The following CYFIP2 variants were observed in gnomAD, a reference collection of about 807,000 sequenced individuals.
CYFIP2 encodes the protein cytoplasmic FMR1-interacting protein 2.
A neutral mutation model predicts 158.7 loss-of-function variants in CYFIP2; 29 were observed. The ratio of observed to expected loss-of-function variants is 0.18; its 90% confidence interval spans 0.14 to 0.25. CYFIP2 has a LOEUF of 0.25. Ranked by LOEUF, CYFIP2 falls within the 10% of genes least tolerant of loss-of-function variation. The probability of loss-of-function intolerance (pLI) is 1.00; values close to 1 mark genes in which losing one functional copy is unlikely to be tolerated. For synonymous variants in CYFIP2, 585 were observed against 617.6 expected, an observed-to-expected ratio of 0.95 and a Z score of 0.78; for missense variants, 852 against 1,639.5, an observed-to-expected ratio of 0.52 and a Z score of 8.29.
At chr5:157,334,004 GA>G (rs1249312875) in intron 21 of CYFIP2, among the ~76,000 whole-genome samples, 2 of 152,186 alleles carry the variant, frequency 1.3e-5, no homozygotes, top group African/African-American at 4.8e-5. Context: ...CTCTCTTCAA[GA>G]ATTAGAGTAA....
intron 29 of CYFIP2, 121 bp downstream of exon 29, chr5:157,389,548 A>G (rs1195666611): frequency 1.0e-5 from 9 of 876,064 alleles, no homozygotes; most frequent in South Asian, 1.8e-5. Flanking sequence ...GCCAACAACT[A>G]CTTTGTTGAG....
chr5:157,296,784 G>A lies in CYFIP2; in HGVS notation c.387+10G>A, dbSNP rs965694878. 6.2e-7 allele frequency: 1 copy of A among 1,609,622 alleles called. No individual in the cohort carries two copies. Among genetic ancestry groups the A allele is most frequent in the Non-Finnish European group, 8.5e-7 (1 of 1,176,508 alleles). The stretch of plus-strand genomic sequence containing the variant: ...GTTCATGTATTTTCAGGTGAGTGGG[G>A]AGGGGCAGGTCTGCATCTGGAGAAC... On this transcript the variant is annotated intron_variant, in intron 5 of 30. Transcript: ENST00000620254.
intron 4 of CYFIP2, 74 bp from the exon 5 acceptor site, chr5:157,296,599 C>G: frequency 7.1e-7 from 1 of 1,404,380 alleles, no homozygotes; most frequent in African/African-American, 1.4e-5. Context: ...GTCTCAAAAA[C>G]AAAACAAAAC....
chr5:157,269,234 A>G (rs1755875560), intron 1 of CYFIP2: 1 of 151,926 alleles, frequency 6.6e-6, no homozygotes, highest in Non-Finnish European at 1.5e-5. Context: ...TTCAGGTGGG[A>G]AGTGCTCTTA....
intron 1 of CYFIP2, among the ~76,000 whole-genome samples, chr5:157,282,440 A>G (rs1757058853): frequency 6.6e-6 from 1 of 152,138 alleles, no homozygotes; most frequent in South Asian, 2.1e-4. Context: ...ACCAGGCCCC[A>G]CCTCCAACAC....
intron 19 of CYFIP2, among the ~76,000 whole-genome samples, chr5:157,329,059 A>G (rs1192717495): frequency 6.6e-6 from 1 of 152,214 alleles, no homozygotes; most frequent in African/African-American, 2.4e-5. Flanking sequence ...GATTTGCTTC[A>G]TTTTGCTTTT....
chr5:157,300,884 C>G lies in CYFIP2; in HGVS notation c.557C>G (p.Ser186Cys). The G allele has an allele frequency of 6.3e-7, 1 of 1,591,496 alleles. No individual in the cohort carries two copies. The highest frequency in any genetic ancestry group is 8.6e-7 in the Non-Finnish European group (1 of 1,166,324). ...NMKCSVKNDH[S>C]AYKRAAQFLR... Reference sequence around the variant, plus strand: ...AAGTGCAGCGTCAAGAATGACCACTCTGCCTACAAGAGGTCAGGGCAACCT... The same window carrying G: ...AAGTGCAGCGTCAAGAATGACCACTGTGCCTACAAGAGGTCAGGGCAACCT... The change falls in exon 6 of 31, where the codon TCT (serine) becomes TGT (cysteine). Residue 186 changes from serine (S) to cysteine (C), a missense_variant. This residue lies in a region of CYFIP2 where 123 missense variants were observed against 316.7 expected (regional missense o/e 0.39). Transcript: ENST00000620254.
intron 7 of CYFIP2, among the ~76,000 whole-genome samples, chr5:157,303,540 C>T (rs1219989010): frequency 1.3e-5 from 2 of 152,186 alleles, no homozygotes; most frequent in East Asian, 1.9e-4. Flanking sequence ...GGGGATCCTC[C>T]ATCTTCCAAG....
At chr5:157,392,484 C>T (rs1767406476) in intron 30 of CYFIP2, among the ~76,000 whole-genome samples, 1 of 152,128 alleles carries the variant, frequency 6.6e-6, no homozygotes, top group South Asian at 2.1e-4. Flanking sequence ...AGGCTGTTTC[C>T]CCCATTGAAC....
Position 157,390,773 on chromosome 5 carries a change from C to G in CYFIP2, c.3594+105C>G, listed in dbSNP as rs927797256. 8 of 1,514,508 alleles carry G rather than the reference C, an allele frequency of 5.3e-6. No individual in the cohort carries two copies. In the African/African-American group the frequency reaches 9.8e-5, roughly 19 times the overall value. 93.8% of individuals were successfully genotyped at this position (1,514,508 alleles called of 1,614,324 possible). A position where few individuals can be genotyped will look rare whatever the true frequency, so the allele number is the denominator to read the frequency against. On this transcript the variant is annotated intron_variant, in intron 30 of 30. Transcript: ENST00000620254. The stretch of plus-strand genomic sequence containing the variant: ...GAGCTGCTTGTGAAGGCCAGCTCCC[C>G]ACACGGCAAGTACAAAGATACTATA...
chr5:157,308,195 C>T (rs187277100), intron 9 of CYFIP2, among the ~76,000 whole-genome samples: 3 of 150,662 alleles, frequency 2.0e-5, no homozygotes, highest in African/African-American at 7.3e-5. Flanking sequence ...TCCCTTGTCA[C>T]TTAAAGAGGT....
At chr5:157,332,950 A>G (rs997004609) in intron 20 of CYFIP2, among the ~76,000 whole-genome samples, 3 of 152,204 alleles carry the variant, frequency 2.0e-5, no homozygotes, top group Non-Finnish European at 4.4e-5. Flanking sequence ...TCCCATGACC[A>G]TGAAAAATTA....
chr5:157,389,352 T>C lies in CYFIP2; in HGVS notation c.3371T>C (p.Val1124Ala). 2 of 1,613,850 alleles carry C rather than the reference T, an allele frequency of 1.2e-6. No homozygotes were observed. Among genetic ancestry groups the C allele is most frequent in the Non-Finnish European group, 1.7e-6 (2 of 1,179,784 alleles). ...GGCGTCATGCACGTCGATGAGTGTG[T>C]GGAGTTCCACCGGCTGTGGAGCGCC... ...TNGVMHVDEC[V>A]EFHRLWSAMQ... The change falls in exon 29 of 31, where the codon GTG becomes GCG. Residue 1124 changes from valine (V) to alanine (A), a missense_variant. Val to Ala is a moderately conservative substitution (Grantham distance 64). Around this residue, in one of 8 missense-constraint regions of CYFIP2, gnomAD observed 223 missense variants for 381.6 expected, o/e 0.58. Coordinates refer to ENST00000620254, the MANE Select transcript of CYFIP2 (RefSeq NM_001037333.3).
At position 157,370,808 on chromosome 5, in the gene CYFIP2, G is replaced by A. The variant is rs1009501773; in HGVS notation, c.3039+9210G>A. On this transcript the variant is annotated intron_variant, in intron 26 of 30. Coordinates refer to ENST00000620254, the MANE Select transcript of CYFIP2 (RefSeq NM_001037333.3). ...AGATCTTTTCCAGTTGACCAGACATGATTCTGATCCAGAATAATAATTCTA... is the reference window on the plus strand; with the variant it reads ...AGATCTTTTCCAGTTGACCAGACATAATTCTGATCCAGAATAATAATTCTA... Among the ~76,000 whole-genome samples, 4 of 152,340 alleles carry A rather than the reference G, an allele frequency of 2.6e-5. No individual in the cohort carries two copies. The East Asian group carries it at 7.7e-4, about 29-fold the overall frequency.
At chr5:157,341,500 A>T in intron 23 of CYFIP2, 2 of 250,756 alleles carry the variant, frequency 8.0e-6, no homozygotes, top group Non-Finnish European at 7.8e-6. Flanking sequence ...TGCAGTGAGC[A>T]TGATTGTACC....
At chr5:157,324,590 A>G (rs1760863538) in intron 16 of CYFIP2, among the ~76,000 whole-genome samples, 1 of 152,214 alleles carries the variant, frequency 6.6e-6, no homozygotes, top group Admixed American at 6.5e-5. Context: ...AACAAACAGT[A>G]CAAACTTCTC....
intron 1 of CYFIP2, among the ~76,000 whole-genome samples, chr5:157,283,830 G>A (rs537477327): frequency 3.3e-5 from 5 of 152,274 alleles, no homozygotes; most frequent in African/African-American, 4.8e-5. Flanking sequence ...TTGGCAGCCC[G>A]TGGACCAAAT....
At chr5:157,355,342 T>C (rs989790408) in intron 23 of CYFIP2, among the ~76,000 whole-genome samples, 2 of 152,216 alleles carry the variant, frequency 1.3e-5, no homozygotes, top group African/African-American at 4.8e-5. Context: ...GTTTTTGTCT[T>C]TATTTACCAA....
At chr5:157,392,375 T>A (rs916159117) in intron 30 of CYFIP2, among the ~76,000 whole-genome samples, 4 of 152,346 alleles carry the variant, frequency 2.6e-5, no homozygotes, top group South Asian at 4.1e-4. Context: ...GTTACGTCTC[T>A]AATCCATTCT....
Sources: allele counts gnomAD v4.1 joint callset (sites outside exome capture counted in the v4.1 genomes callset), GRCh38; gene constraint gnomAD v4.1.1; regional missense constraint gnomAD v4.1.1; transcripts MANE v1.5; gene names NCBI Gene and HGNC (gene_info 2026-07-23, HGNC 2026-07-21).